Variants in IGFBPL1 observed in about 807,000 individuals in gnomAD.
IGFBPL1 encodes the protein insulin-like growth factor-binding protein-like 1.
A neutral mutation model predicts 23.9 loss-of-function variants in IGFBPL1; 20 were observed. The observed-to-expected ratio is 0.84, with a 90% CI of 0.59 to 1.22. The LOEUF (loss-of-function observed/expected upper bound fraction) is 1.22. Among genes scored for constraint, IGFBPL1 ranks in the 50% most tolerant of loss-of-function variants. The probability of loss-of-function intolerance (pLI) is 0.00; values close to 1 mark genes in which losing one functional copy is unlikely to be tolerated. For synonymous variants in IGFBPL1, 184 were observed against 171.8 expected (o/e 1.07, Z -0.56); for missense variants, 436 against 379.3 (o/e 1.15, Z -1.24).
In IGFBPL1 at chr9:38,424,298, G is replaced by A; in HGVS notation, c.127C>T (p.Pro43Ser). 1.6e-6 allele frequency: 2 copies of A among 1,270,832 alleles called. No homozygotes were observed. Among genetic ancestry groups the A allele is most frequent in the Non-Finnish European group, 2.0e-6 (2 of 979,926 alleles). The allele number at this position is 1,270,832 out of a possible 1,614,324, so 78.7% of individuals were successfully genotyped here. A position where few individuals can be genotyped will look rare whatever the true frequency, so the allele number is the denominator to read the frequency against. Reference protein sequence around the residue: ...GRRPKCGPCRPEGCPAPAPCP... With the variant: ...GRRPKCGPCRSEGCPAPAPCP... ...GGCGCAGGCGCCGGGCAGCCCTCTGGCCGGCACGGACCACACTTGGGGCGC... is the reference window on the plus strand; with the variant it reads ...GGCGCAGGCGCCGGGCAGCCCTCTGACCGGCACGGACCACACTTGGGGCGC... The change falls in exon 1 of 5, where the codon CCA becomes TCA. Residue 43 changes from proline (P) to serine (S), a missense_variant. Transcript: ENST00000377694.
Position 38,407,893 on chromosome 9 carries a change from C to A in IGFBPL1, c.*1334G>T, listed in dbSNP as rs1821450919. 6.6e-6 allele frequency among the ~76,000 whole-genome samples: 1 copy of A among 152,078 alleles called. No individual in the cohort carries two copies. The highest frequency in any genetic ancestry group is 1.5e-5 in the Non-Finnish European group (1 of 68,028). ...AATTCTTATTTTAAAATTGTAATCA[C>A]CTAAGGATCTATTTTTTTAAGATAA... is the stretch of plus-strand genomic sequence containing the variant. On this transcript the variant is annotated 3_prime_UTR_variant, in exon 5 of 5. Coordinates refer to ENST00000377694, the MANE Select transcript of IGFBPL1 (RefSeq NM_001007563.3).
At position 38,406,567 on chromosome 9, in the gene IGFBPL1, C is replaced by T. The variant is rs1000512648; in HGVS notation, c.*2660G>A. The stretch of plus-strand genomic sequence containing the variant: ...TTTATTTTTTTCAGGGTGCAGGGGT[C>T]GTGACATCATGACATCTACAAAAAC... On this transcript the variant is annotated 3_prime_UTR_variant, in exon 5 of 5. Coordinates refer to ENST00000377694, the MANE Select transcript of IGFBPL1 (RefSeq NM_001007563.3). Among the ~76,000 whole-genome samples the T allele has an allele frequency of 2.0e-5, 3 of 152,080 alleles. No homozygotes were observed. The highest frequency in any genetic ancestry group is 1.3e-4 in the Admixed American group (2 of 15,256).
At position 38,409,038 on chromosome 9, in the gene IGFBPL1, A is replaced by T. The variant is rs2118294310; in HGVS notation, c.*189T>A. On this transcript the variant is annotated 3_prime_UTR_variant, in exon 5 of 5. Coordinates refer to ENST00000377694, the MANE Select transcript of IGFBPL1 (RefSeq NM_001007563.3). ...AAAAGTATAAAAAAGCCACATGCAAATCCGTTTCTCACTGTTTGCCCTGCT... is the reference window on the plus strand; with the variant it reads ...AAAAGTATAAAAAAGCCACATGCAATTCCGTTTCTCACTGTTTGCCCTGCT... The T allele has an allele frequency of 6.6e-6, 1 of 152,330 alleles. No individual in the cohort carries two copies. Among genetic ancestry groups the T allele is most frequent in the Non-Finnish European group, 1.5e-5 (1 of 68,042 alleles). 9.4% of individuals were successfully genotyped at this position (152,330 alleles called of 1,614,324 possible).
At chr9:38,414,031 T>TCACACACACACA in intron 2 of IGFBPL1, 63 bp downstream of exon 2, 2 of 762,484 alleles carry the variant, frequency 2.6e-6, no homozygotes, top group Non-Finnish European at 4.1e-6. Flanking sequence ...TCTCCCTCTT[T>TCACACACACACA]CTCACACACA....
rs901443432 is a variant in IGFBPL1, at chr9:38,407,032, A to T, written c.*2195T>A. 3.3e-5 allele frequency among the ~76,000 whole-genome samples: 5 copies of T among 151,968 alleles called. No individual in the cohort carries two copies. Among genetic ancestry groups the T allele is most frequent in the Non-Finnish European group, 7.4e-5 (5 of 68,006 alleles). On this transcript the variant is annotated 3_prime_UTR_variant, in exon 5 of 5. Transcript: ENST00000377694. ...TTCCTGTTCCTTCCCACATCATTTC[A>T]CTAAGGGTCTGACCAACTCATCTCC...
chr9:38,413,998 C>T lies in IGFBPL1; in HGVS notation c.570+96G>A, dbSNP rs1343686512. 7 of 801,498 alleles carry T rather than the reference C, an allele frequency of 8.7e-6. No individual in the cohort carries two copies. The South Asian group carries it at 9.1e-5, about 10-fold the overall frequency. 49.6% of individuals were successfully genotyped at this position (801,498 alleles called of 1,614,324 possible). ...TATATAAACACACTTAAAAGAAAAA[C>T]ATTTTTACCACTCACGTCTGTTTCT... On this transcript the variant is annotated intron_variant, in intron 2 of 4. Coordinates refer to ENST00000377694, the MANE Select transcript of IGFBPL1 (RefSeq NM_001007563.3).
intron 1 of IGFBPL1, among the ~76,000 whole-genome samples, chr9:38,419,878 TC>T (rs1359619294): frequency 4.8e-5 from 6 of 125,164 alleles, no homozygotes; most frequent in African/African-American, 1.6e-4. Context: ...CTCCTCCTCC[TC>T]CTCCTCCTCC....
chr9:38,416,765 C>G (rs888843927), intron 1 of IGFBPL1, among the ~76,000 whole-genome samples: 1 of 151,458 alleles, frequency 6.6e-6, no homozygotes, highest in African/African-American at 2.4e-5. Flanking sequence ...GTCTTGAACT[C>G]CAGGGCTCAA....
At chr9:38,413,164 T>C in intron 3 of IGFBPL1, 73 bp downstream of exon 3, 1 of 1,003,414 alleles carries the variant, frequency 1.0e-6, no homozygotes, top group Non-Finnish European at 1.6e-6. Flanking sequence ...TTGAAACATG[T>C]AATGTGTTGT....
intron 1 of IGFBPL1, among the ~76,000 whole-genome samples, chr9:38,416,512 A>G (rs1821600844): frequency 6.6e-6 from 1 of 152,146 alleles, no homozygotes; most frequent in Non-Finnish European, 1.5e-5. Flanking sequence ...TTATTTATTT[A>G]TTTTTAAATT....
Position 38,411,048 on chromosome 9 carries a change from G to A in IGFBPL1, c.*9+343C>T, listed in dbSNP as rs561688284. Among the ~76,000 whole-genome samples, 103 of 152,032 alleles carry A rather than the reference G, an allele frequency of 6.8e-4. 1 individual carries two copies. The South Asian group carries it at 0.02, about 30-fold the overall frequency. ...TTTGTGGGAACATTTTCACATGGAC[G>A]CTGTCACAATGACACTGTCTGCTAC... On this transcript the variant is annotated intron_variant, in intron 4 of 4. Transcript: ENST00000377694.
chr9:38,423,877 A>C, intron 1 of IGFBPL1, 88 bp downstream of exon 1: 2 of 1,213,422 alleles, frequency 1.6e-6, no homozygotes, highest in Non-Finnish European at 2.1e-6. Context: ...AGCGCCGTCC[A>C]CCACTGGGCA....
chr9:38,421,252 T>A (rs939791418), intron 1 of IGFBPL1, among the ~76,000 whole-genome samples: 2 of 142,566 alleles, frequency 1.4e-5, no homozygotes, highest in African/African-American at 2.6e-5. Context: ...AGCCATTGTA[T>A]TCCACCTGGG....
Position 38,408,704 on chromosome 9 carries a change from G to C in IGFBPL1, c.*523C>G, listed in dbSNP as rs1411257496. ...AAGGCCATCTTAATCTAGGATGGCAGGGCTAAAAGGGACATTGATAACATC... is the reference window on the plus strand; with the variant it reads ...AAGGCCATCTTAATCTAGGATGGCACGGCTAAAAGGGACATTGATAACATC... On this transcript the variant is annotated 3_prime_UTR_variant, in exon 5 of 5. Coordinates refer to ENST00000377694, the MANE Select transcript of IGFBPL1 (RefSeq NM_001007563.3). Among the ~76,000 whole-genome samples the C allele has an allele frequency of 6.6e-6, 1 of 152,168 alleles. No homozygotes were observed. The highest frequency in any genetic ancestry group is 2.4e-5 in the African/African-American group (1 of 41,436).
intron 1 of IGFBPL1, among the ~76,000 whole-genome samples, chr9:38,419,975 G>A (rs567214651): frequency 2.6e-5 from 4 of 151,356 alleles, no homozygotes; most frequent in African/African-American, 7.3e-5. Flanking sequence ...CTGTAGCCTC[G>A]AACTCCTGGG....
intron 3 of IGFBPL1, 134 bp from the exon 4 acceptor site, chr9:38,411,683 T>C: frequency 1.3e-6 from 1 of 773,096 alleles, no homozygotes; most frequent in Non-Finnish European, 2.0e-6. Context: ...TTTCTCTCCT[T>C]GCATTGGCTG....
chr9:38,409,159 A>T lies in IGFBPL1; in HGVS notation c.*68T>A, dbSNP rs967875698. Reference sequence around the variant, plus strand: ...CACACAGGTTTTCCAACTCTTCATGAAGCACAAAGATCCGTTATTTGACTT... The same window carrying T: ...CACACAGGTTTTCCAACTCTTCATGTAGCACAAAGATCCGTTATTTGACTT... On this transcript the variant is annotated 3_prime_UTR_variant, in exon 5 of 5. Coordinates refer to ENST00000377694, the MANE Select transcript of IGFBPL1 (RefSeq NM_001007563.3). The T allele has an allele frequency of 6.6e-6, 1 of 152,210 alleles. No individual in the cohort carries two copies. Among genetic ancestry groups the T allele is most frequent in the Non-Finnish European group, 1.5e-5 (1 of 68,028 alleles). The allele number at this position is 152,210 out of a possible 1,614,324, so 9.4% of individuals were successfully genotyped here.
intron 1 of IGFBPL1, among the ~76,000 whole-genome samples, chr9:38,422,654 T>C (rs554236044): frequency 4.7e-4 from 72 of 152,258 alleles, no homozygotes; most frequent in Non-Finnish European, 6.9e-4. Flanking sequence ...GCAGCACAGA[T>C]GCACCCCCAG....
At chr9:38,423,944 C>G in intron 1 of IGFBPL1, 21 bp downstream of exon 1, 1 of 1,351,980 alleles carries the variant, frequency 7.4e-7, no homozygotes, top group Non-Finnish European at 9.5e-7. Flanking sequence ...TCTACCCACC[C>G]AATCCCCGAC....
Sources: allele counts gnomAD v4.1 joint callset (sites outside exome capture counted in the v4.1 genomes callset), GRCh38; gene constraint gnomAD v4.1.1; transcripts MANE v1.5; gene names NCBI Gene and HGNC (gene_info 2026-07-23, HGNC 2026-07-21).